FAM3C: variants seen among roughly 807,000 people sequenced by gnomAD.
FAM3C encodes the protein FAM3 metabolism regulating signaling molecule C.
A neutral mutation model predicts 32.5 loss-of-function variants in FAM3C; 15 were observed. That is an observed-to-expected ratio of 0.46 (90% CI 0.31 to 0.71). The LOEUF (loss-of-function observed/expected upper bound fraction) is 0.71, where lower values mean the gene tolerates loss of function less well. Ranked by LOEUF, FAM3C falls within the 30% of genes least tolerant of loss-of-function variation. FAM3C has a pLI of 0.05. For synonymous variants in FAM3C, 75 were observed against 86.1 expected (o/e 0.87, Z 0.72); for missense variants, 175 against 274.4 (o/e 0.64, Z 2.56).
chr7:121,355,210 G>T (rs992329069), intron 8 of FAM3C, among the ~76,000 whole-genome samples: 2 of 152,144 alleles, frequency 1.3e-5, no homozygotes, highest in Non-Finnish European at 2.9e-5. Flanking sequence ...AGCTCAAGAA[G>T]TCCATGTAAG....
At chr7:121,394,389 T>C (rs931792783) in intron 1 of FAM3C, among the ~76,000 whole-genome samples, 1 of 152,236 alleles carries the variant, frequency 6.6e-6, no homozygotes, top group Non-Finnish European at 1.5e-5. Flanking sequence ...ACATTAAAAA[T>C]CTGTAATTGT....
chr7:121,372,316 A>G (rs1295022999), intron 3 of FAM3C, among the ~76,000 whole-genome samples, 177 bp from the exon 4 acceptor site: 1 of 152,222 alleles, frequency 6.6e-6, no homozygotes, highest in Non-Finnish European at 1.5e-5. Context: ...ATTCATTATA[A>G]ACTATTAAAT....
chr7:121,354,465 AAGGG>A (rs1300834362), intron 8 of FAM3C, among the ~76,000 whole-genome samples: 4 of 152,226 alleles, frequency 2.6e-5, no homozygotes, highest in African/African-American at 9.6e-5. Flanking sequence ...CTAAACTAGA[AAGGG>A]AGGAAGTGGG....
chr7:121,393,506 G>T (rs1311743407), intron 1 of FAM3C, among the ~76,000 whole-genome samples: 1 of 151,914 alleles, frequency 6.6e-6, no homozygotes, highest in Non-Finnish European at 1.5e-5. Flanking sequence ...AAAATTGGAA[G>T]AAAAAACTCA....
At chr7:121,369,232 C>T (rs1014239091) in intron 5 of FAM3C, among the ~76,000 whole-genome samples, 8 of 152,052 alleles carry the variant, frequency 5.3e-5, no homozygotes, top group Non-Finnish European at 7.4e-5. Flanking sequence ...CCACCCGCTT[C>T]GACCTCCCAA....
intron 2 of FAM3C, among the ~76,000 whole-genome samples, chr7:121,382,282 T>G (rs1204579073): frequency 6.6e-6 from 1 of 152,164 alleles, no homozygotes. Flanking sequence ...TTTTTCAATT[T>G]TCTCAATATG....
At chr7:121,351,115 G>C in intron 9 of FAM3C, 28 bp downstream of exon 9, 1 of 1,593,746 alleles carries the variant, frequency 6.3e-7, no homozygotes, top group Non-Finnish European at 8.5e-7. Flanking sequence ...ATTTGTTTTT[G>C]TTAATTCTGA....
intron 3 of FAM3C, among the ~76,000 whole-genome samples, chr7:121,372,499 G>A (rs535406105): frequency 6.6e-6 from 1 of 152,276 alleles, no homozygotes; most frequent in South Asian, 2.1e-4. Context: ...TTTAAAAGTT[G>A]TTGCTGCTGT....
At chr7:121,387,479 C>T (rs1435046782) in intron 1 of FAM3C, among the ~76,000 whole-genome samples, 3 of 152,062 alleles carry the variant, frequency 2.0e-5, no homozygotes, top group African/African-American at 7.2e-5. Flanking sequence ...CTGTGCTCCA[C>T]ACGTGTTCAT....
chr7:121,372,794 G>A (rs1445877551), intron 3 of FAM3C, among the ~76,000 whole-genome samples: 1 of 152,164 alleles, frequency 6.6e-6, no homozygotes, highest in Non-Finnish European at 1.5e-5. Context: ...ATTGTGGACA[G>A]CCATTTCCTG....
intron 8 of FAM3C, among the ~76,000 whole-genome samples, chr7:121,359,021 T>C (rs1793871160): frequency 6.6e-6 from 1 of 151,686 alleles, no homozygotes. Context: ...CCAATCTCAA[T>C]AATAAAGGCA....
At chr7:121,354,743 C>G (rs1318826883) in intron 8 of FAM3C, among the ~76,000 whole-genome samples, 3 of 152,086 alleles carry the variant, frequency 2.0e-5, no homozygotes, top group African/African-American at 4.8e-5. Context: ...AAATGACGAC[C>G]CAGCCTAGAC....
rs1361938851 is a variant in FAM3C at position 121,382,477 on chromosome 7, T to C, written c.13+480A>G. 3.3e-5 allele frequency among the ~76,000 whole-genome samples: 5 copies of C among 151,538 alleles called. No individual in the cohort carries two copies. In the East Asian group the frequency reaches 5.8e-4, roughly 18 times the overall value. ...TCATTTTTCTCAAGACGCTAGAACA[T>C]AGCAAAAACAAAAATCAGCCTCCCT... On this transcript the variant is annotated intron_variant, in intron 2 of 9. Coordinates refer to ENST00000359943, the MANE Select transcript of FAM3C (RefSeq NM_014888.3).
Position 121,350,566 on chromosome 7 carries a change from A to G in FAM3C, c.595-16T>C. ...TCTTTATGTGCTATTGGAACACAGT[A>G]ATAATATACAGTTTAAAAAACCGTT... On this transcript the variant is annotated splice_polypyrimidine_tract_variant and intron_variant, in intron 9 of 9. Coordinates refer to ENST00000359943, the MANE Select transcript of FAM3C (RefSeq NM_014888.3). The G allele has an allele frequency of 6.2e-7, 1 of 1,611,066 alleles. No individual in the cohort carries two copies.
intron 5 of FAM3C, among the ~76,000 whole-genome samples, chr7:121,364,786 C>G (rs1177267428): frequency 6.6e-6 from 1 of 152,068 alleles, no homozygotes; most frequent in African/African-American, 2.4e-5. Flanking sequence ...CTTCCATGGG[C>G]AGCTCACAGA....
intron 1 of FAM3C, among the ~76,000 whole-genome samples, chr7:121,386,699 A>G (rs1794471653): frequency 6.6e-6 from 1 of 151,472 alleles, no homozygotes; most frequent in Non-Finnish European, 1.5e-5. Context: ...ACACATATAT[A>G]TATATATATA....
intron 8 of FAM3C, among the ~76,000 whole-genome samples, chr7:121,355,810 T>C (rs1224479376): frequency 6.6e-6 from 1 of 152,172 alleles, no homozygotes; most frequent in African/African-American, 2.4e-5. Flanking sequence ...ACACCGCCCT[T>C]GGTAAACATT....
At chr7:121,394,818 G>T (rs1252010034) in intron 1 of FAM3C, among the ~76,000 whole-genome samples, 1 of 152,182 alleles carries the variant, frequency 6.6e-6, no homozygotes, top group South Asian at 2.1e-4. Context: ...TGCTGATTCT[G>T]CCAATTTCTT....
chr7:121,359,060 T>C (rs1793871813), intron 8 of FAM3C, among the ~76,000 whole-genome samples: 1 of 151,884 alleles, frequency 6.6e-6, no homozygotes, highest in African/African-American at 2.4e-5. Context: ...TTTCAAACTC[T>C]TAAAATTGAA....
Sources: allele counts gnomAD v4.1 joint callset (sites outside exome capture counted in the v4.1 genomes callset), GRCh38; gene constraint gnomAD v4.1.1; transcripts MANE v1.5; gene names NCBI Gene and HGNC (gene_info 2026-07-23, HGNC 2026-07-21).